Variants in NFX1 observed in about 807,000 individuals in gnomAD.
NFX1 encodes transcriptional repressor NF-X1.
Under a neutral mutation model 137.2 loss-of-function variants are expected in NFX1, and 69 were observed. The ratio of observed to expected loss-of-function variants is 0.50; its 90% CI spans 0.41 to 0.61. The LOEUF is 0.61. Among genes scored for constraint, NFX1 ranks in the 20% least tolerant of loss-of-function variants. The pLI, the probability that NFX1 is intolerant of heterozygous loss-of-function variation, is 0.00. For missense variants in NFX1, 1,167 were observed against 1,391.0 expected, an observed-to-expected ratio of 0.84 and a Z score of 2.56; for synonymous variants, 495 against 474.1, an observed-to-expected ratio of 1.04 and a Z score of -0.57.
Position 33,295,272 on chromosome 9 carries a change from C to G in NFX1, c.878C>G (p.Ser293Cys), listed in dbSNP as rs374434585. ...KDDLNERPAKSTCDSENLAVI... is the reference protein window; with the variant it reads ...KDDLNERPAKCTCDSENLAVI... ...GACCTCAATGAAAGACCAGCAAAAT[C>G]TACCTGTGACAGTGAGAACTTGGCA... Residue 293 changes from serine (S) to cysteine (C), a missense_variant, in exon 2 of 24, where the codon TCT becomes TGT. Transcript: ENST00000379540. 1 of 1,614,142 alleles carries G rather than the reference C, an allele frequency of 6.2e-7. No homozygotes were observed. Among genetic ancestry groups the G allele is most frequent in the Non-Finnish European group, 8.5e-7 (1 of 1,180,030 alleles).
chr9:33,361,525 C>G (rs530647654), intron 19 of NFX1, among the ~76,000 whole-genome samples: 48 of 152,222 alleles, frequency 3.2e-4, no homozygotes, highest in Non-Finnish European at 5.7e-4. Flanking sequence ...GTAATCCCAG[C>G]ACTTTGGGAG....
intron 22 of NFX1, 44 bp downstream of exon 22, chr9:33,366,818 A>G (rs1824185012): frequency 6.3e-7 from 1 of 1,591,850 alleles, no homozygotes; most frequent in Admixed American, 1.7e-5. Flanking sequence ...TAAGCAGGGC[A>G]AACTGGACCC....
At chr9:33,361,113 A>G (rs1219541027) in intron 19 of NFX1, among the ~76,000 whole-genome samples, 1 of 152,204 alleles carries the variant, frequency 6.6e-6, no homozygotes, top group Non-Finnish European at 1.5e-5. Context: ...TTGCACAGAG[A>G]TATTAATTGT....
At chr9:33,325,828 A>ATAGAATTT (rs1822564537) in intron 9 of NFX1, among the ~76,000 whole-genome samples, 1 of 152,210 alleles carries the variant, frequency 6.6e-6, no homozygotes, top group Non-Finnish European at 1.5e-5. Flanking sequence ...GTAAACCCAA[A>ATAGAATTT]TAGAATTTCA....
At chr9:33,330,453 A>G (rs1822763950) in intron 10 of NFX1, among the ~76,000 whole-genome samples, 2 of 152,260 alleles carry the variant, frequency 1.3e-5, no homozygotes, top group Non-Finnish European at 2.9e-5. Flanking sequence ...AGAAATTACA[A>G]TATACATAGG....
chr9:33,330,275 C>T (rs1461175964), intron 10 of NFX1, among the ~76,000 whole-genome samples: 4 of 152,172 alleles, frequency 2.6e-5, no homozygotes, highest in African/African-American at 9.7e-5. Context: ...ACCGTTGGTT[C>T]TGTTAAACAC....
At chr9:33,295,686 G>C (rs1821329706) in intron 2 of NFX1, among the ~76,000 whole-genome samples, 1 of 152,104 alleles carries the variant, frequency 6.6e-6, no homozygotes, top group Admixed American at 6.5e-5. Flanking sequence ...ATTTTGTAAG[G>C]GTTTTCAAAA....
At chr9:33,335,227 C>CTTTTTTTTTT (rs57459026) in intron 11 of NFX1, among the ~76,000 whole-genome samples, 37 of 130,466 alleles carry the variant, frequency 2.8e-4, no homozygotes, top group African/African-American at 5.1e-4. Flanking sequence ...CTTTCTTTTT[C>CTTTTTTTTTT]TTTTTTTTTT....
chr9:33,339,459 C>G (rs996138999), intron 12 of NFX1, among the ~76,000 whole-genome samples: 1 of 152,192 alleles, frequency 6.6e-6, no homozygotes, highest in African/African-American at 2.4e-5. Context: ...TTACCTCCCA[C>G]CAGGTCCCTC....
intron 10 of NFX1, among the ~76,000 whole-genome samples, chr9:33,331,479 C>T (rs1822804190): frequency 6.6e-6 from 1 of 152,200 alleles, no homozygotes; most frequent in Non-Finnish European, 1.5e-5. Context: ...ACCACTCCTG[C>T]ATATCATTTC....
rs185348872 is a variant in NFX1 at position 33,359,472 on chromosome 9, G to A, written c.2874-4538G>A. On this transcript the variant is annotated intron_variant, in intron 19 of 23. Coordinates refer to ENST00000379540, the MANE Select transcript of NFX1 (RefSeq NM_002504.6). ...AAATTAGCCGGGCATGGTGGCAGAC[G>A]CCTGTAGTCCCAGCTACTCAGGAGG... Among the ~76,000 whole-genome samples the A allele has an allele frequency of 1.8e-4, 27 of 152,116 alleles. No individual in the cohort carries two copies. In the East Asian group the frequency reaches 3.9e-3, roughly 22 times the overall value.
chr9:33,352,127 T>G (rs1823658805), intron 16 of NFX1, among the ~76,000 whole-genome samples: 1 of 152,190 alleles, frequency 6.6e-6, no homozygotes, highest in Admixed American at 6.5e-5. Context: ...AGGGATAAAT[T>G]AGTGAACAAG....
chr9:33,358,916 C>T (rs750970201), intron 19 of NFX1, among the ~76,000 whole-genome samples: 1 of 151,238 alleles, frequency 6.6e-6, no homozygotes, highest in Non-Finnish European at 1.5e-5. Flanking sequence ...CCAGGCTGGT[C>T]TCACATTCCT....
In NFX1 at chr9:33,303,252, C is replaced by T. The variant is rs1308402129; in HGVS notation, c.1254C>T (p.Thr418=). ...ATGTTTCTGCACATGTTCCTAATAC[C>T]TACACTTGTTTCTGTGGTAAGTTTG... ...CQNVSAHVPN[T]YTCFCGKVKN... is the part of the protein sequence containing the mutation. The change falls in exon 4 of 24, where the codon ACC becomes ACT. Residue 418 remains threonine, a synonymous_variant. Transcript: ENST00000379540. 1.9e-6 allele frequency: 3 copies of T among 1,613,896 alleles called. No individual in the cohort carries two copies. Among genetic ancestry groups the T allele is most frequent in the Non-Finnish European group, 2.5e-6 (3 of 1,179,942 alleles).
chr9:33,338,558 G>T lies in NFX1; in HGVS notation c.2084G>T (p.Gly695Val). 1 of 1,602,160 alleles carries T rather than the reference G, an allele frequency of 6.2e-7. No homozygotes were observed. Among genetic ancestry groups the T allele is most frequent in the Non-Finnish European group, 8.5e-7 (1 of 1,176,738 alleles). ...CGGTGTAACAAGAAACGGTTGTGTG[G>T]ACGGCATAAATGTAATGAGATATGC... ...DKRCNKKRLC[G>V]RHKCNEICCV... The change falls in exon 12 of 24, where the codon GGA becomes GTA. Residue 695 changes from glycine (G) to valine (V), a missense_variant. Transcript: ENST00000379540.
intron 1 of NFX1, among the ~76,000 whole-genome samples, chr9:33,291,288 G>A (rs957168693): frequency 4.9e-4 from 75 of 152,176 alleles, no homozygotes; most frequent in African/African-American, 1.7e-3. Context: ...ATTTTGCATC[G>A]CGACCTTAAA....
intron 23 of NFX1, among the ~76,000 whole-genome samples, chr9:33,368,707 C>G (rs1824239635): frequency 6.6e-6 from 1 of 152,168 alleles, no homozygotes. Context: ...CAGACAAGTC[C>G]TAGCAGTACC....
chr9:33,363,412 C>T lies in NFX1; in HGVS notation c.2874-598C>T, dbSNP rs570969332. 2.0e-5 allele frequency among the ~76,000 whole-genome samples: 3 copies of T among 151,682 alleles called. 1 individual carries two copies. Among genetic ancestry groups the T allele is most frequent in the African/African-American group, 7.2e-5 (3 of 41,398 alleles). ...TGATTCTCATGCCTCAGCCTCCTAG[C>T]AGCTAGGATTACAGGCACGTGCTAC... On this transcript the variant is annotated intron_variant, in intron 19 of 23. Transcript: ENST00000379540.
Position 33,333,877 on chromosome 9 carries a change from G to A in NFX1, c.2035+1375G>A, listed in dbSNP as rs372268103. The stretch of plus-strand genomic sequence containing the variant: ...ACATAATTTGGGTCCAAGCCTGGTG[G>A]CTCATGCCTGTAATCCCAGCACTTT... On this transcript the variant is annotated intron_variant, in intron 11 of 23. Transcript: ENST00000379540. Among the ~76,000 whole-genome samples, 149 of 152,364 alleles carry A rather than the reference G, an allele frequency of 9.8e-4. 3 individuals carry two copies. The highest frequency in any genetic ancestry group is 3.4e-3 in the African/African-American group (142 of 41,590).
Sources: allele counts gnomAD v4.1 joint callset (sites outside exome capture counted in the v4.1 genomes callset), GRCh38; gene constraint gnomAD v4.1.1; transcripts MANE v1.5; gene names NCBI Gene and HGNC (gene_info 2026-07-23, HGNC 2026-07-21).